Variants in WFDC6 observed in about 807,000 individuals in gnomAD.
WFDC6 encodes the protein WAP four-disulfide core domain 6, also known as WAP four-disulfide core domain protein 6.
WFDC6 carries 10 observed loss-of-function variants against 8.2 expected under a neutral mutation model. That is an observed-to-expected ratio of 1.22 (90% CI 0.75 to 2.07). The LOEUF is 2.07. Ranked by LOEUF, WFDC6 falls within the 30% of genes most tolerant of loss-of-function variation. The probability of loss-of-function intolerance (pLI) is 0.00; values close to 1 mark genes in which losing one functional copy is unlikely to be tolerated. For missense variants in WFDC6, 105 were observed against 104.9 expected (o/e 1.00, Z 0.00); for synonymous variants, 28 against 37.0 (o/e 0.76, Z 0.88).
chr20:45,534,894 C>A (rs909597714), intron 2 of WFDC6, among the ~76,000 whole-genome samples: 1 of 152,220 alleles, frequency 6.6e-6, no homozygotes, highest in Non-Finnish European at 1.5e-5. Flanking sequence ...GCTGGGTTTA[C>A]CGGGCTTCCG....
At chr20:45,537,894 C>G (rs1418372449) in intron 2 of WFDC6, 70 bp downstream of exon 2, 1 of 1,606,908 alleles carries the variant, frequency 6.2e-7, no homozygotes, top group Non-Finnish European at 8.5e-7. Context: ...AACTAGGAGA[C>G]AGAGGTAGTG....
rs11467724 is a variant in WFDC6, at chr20:45,536,251, GA to G, written c.222+1712del. Among the ~76,000 whole-genome samples the G allele has an allele frequency of 6.0e-3, 883 of 147,240 alleles. 8 individuals are homozygous for G. Among genetic ancestry groups the G allele is most frequent in the African/African-American group, 0.02 (798 of 40,140 alleles). ...AGAGGATGCTTCAGGAGTATTCACA[GA>G]AAAAAAAAAAAACCCAAAACTCAAA... On this transcript the variant is annotated intron_variant, in intron 2 of 2. Transcript: ENST00000372670.
chr20:45,535,514 A>G (rs760777490), intron 2 of WFDC6, among the ~76,000 whole-genome samples: 8 of 152,120 alleles, frequency 5.3e-5, no homozygotes, highest in Non-Finnish European at 8.8e-5. Context: ...TGACTTCCTC[A>G]TCTGTAAGAT....
intron 2 of WFDC6, chr20:45,537,478 G>C (rs1262312787): frequency 6.8e-7 from 1 of 1,472,878 alleles, no homozygotes; most frequent in African/African-American, 1.4e-5. Flanking sequence ...CAATAATATG[G>C]GCAGAGAAGA....
rs986163233 is a variant in WFDC6, at chr20:45,534,309, C to T, written c.*158G>A. The T allele has an allele frequency of 2.4e-6, 2 of 826,708 alleles. No individual in the cohort carries two copies. Among genetic ancestry groups the T allele is most frequent in the African/African-American group, 3.4e-5 (2 of 59,538 alleles). 51.2% of individuals were successfully genotyped at this position (826,708 alleles called of 1,614,324 possible). A position where few individuals can be genotyped will look rare whatever the true frequency, so the allele number is the denominator to read the frequency against. On this transcript the variant is annotated 3_prime_UTR_variant, in exon 3 of 3. Coordinates refer to ENST00000372670, the MANE Select transcript of WFDC6 (RefSeq NM_080827.2). ...ACTGAGAAGTGGTCAAGGGGAAGAGCATTGTGTTTGAAGAGATGCTACGCT... is the reference window on the plus strand; with the variant it reads ...ACTGAGAAGTGGTCAAGGGGAAGAGTATTGTGTTTGAAGAGATGCTACGCT...
In WFDC6 at chr20:45,538,109, G is replaced by A. The variant is rs1490987558; in HGVS notation, c.92-15C>T. 8 of 1,613,798 alleles carry A rather than the reference G, an allele frequency of 5.0e-6. No homozygotes were observed. The highest frequency in any genetic ancestry group is 6.8e-6 in the Non-Finnish European group (8 of 1,179,808). ...GGGACACGGCTCTAAGGGAGGGGAA[G>A]ATATATTCCCTCAAGGCCTTAAAGG... On this transcript the variant is annotated splice_polypyrimidine_tract_variant and intron_variant, in intron 1 of 2. Transcript: ENST00000372670.
At chr20:45,537,273 G>A in intron 2 of WFDC6, 1 of 528,186 alleles carries the variant, frequency 1.9e-6, no homozygotes. Context: ...GGCCTGAAAG[G>A]CTATTTCTTC....
At chr20:45,537,332 C>G (rs2145543222) in intron 2 of WFDC6, 1 of 609,584 alleles carries the variant, frequency 1.6e-6, no homozygotes, top group East Asian at 2.8e-5. Flanking sequence ...TCATGGATCT[C>G]TTTCCCAGAA....
intron 2 of WFDC6, among the ~76,000 whole-genome samples, chr20:45,535,938 G>A (rs895381941): frequency 2.4e-4 from 36 of 152,202 alleles, no homozygotes; most frequent in African/African-American, 5.5e-4. Flanking sequence ...TACACACCCC[G>A]TGCCTTTGCA....
In WFDC6 at chr20:45,538,085, G is replaced by A; in HGVS notation, c.101C>T (p.Pro34Leu). 2 of 1,613,786 alleles carry A rather than the reference G, an allele frequency of 1.2e-6. No individual in the cohort carries two copies. Among genetic ancestry groups the A allele is most frequent in the Non-Finnish European group, 1.7e-6 (2 of 1,179,862 alleles). The change falls in exon 2 of 3, where the codon CCC becomes CTC. Residue 34 changes from proline (P) to leucine (L), a missense_variant. Coordinates refer to ENST00000372670, the MANE Select transcript of WFDC6 (RefSeq NM_080827.2). Reference sequence around the variant, plus strand: ...CACTTCGCATTCCACTTTGATTTTGGGACACGGCTCTAAGGGAGGGGAAGA... The same window carrying A: ...CACTTCGCATTCCACTTTGATTTTGAGACACGGCTCTAAGGGAGGGGAAGA... ...HAEGILGKPCPKIKVECEVEE... is the reference protein window; with the variant it reads ...HAEGILGKPCLKIKVECEVEE...
intron 2 of WFDC6, among the ~76,000 whole-genome samples, chr20:45,536,567 T>A: frequency 6.6e-6 from 1 of 152,190 alleles, no homozygotes; most frequent in East Asian, 1.9e-4. Context: ...ACACAGATGG[T>A]AAGGGATTTG....
chr20:45,534,329 T>C lies in WFDC6; in HGVS notation c.*138A>G. The stretch of plus-strand genomic sequence containing the variant: ...AAGAGCATTGTGTTTGAAGAGATGC[T>C]ACGCTGGAAGAAAGTGTGTAAGCAA... On this transcript the variant is annotated 3_prime_UTR_variant, in exon 3 of 3. Coordinates refer to ENST00000372670, the MANE Select transcript of WFDC6 (RefSeq NM_080827.2). 1 of 979,874 alleles carries C rather than the reference T, an allele frequency of 1.0e-6. No homozygotes were observed. The highest frequency in any genetic ancestry group is 1.3e-5 in the South Asian group (1 of 75,526). The allele number at this position is 979,874 out of a possible 1,614,324, so 60.7% of individuals were successfully genotyped here.
intron 2 of WFDC6, chr20:45,535,328 A>G: frequency 7.7e-7 from 1 of 1,302,416 alleles, no homozygotes; most frequent in Non-Finnish European, 1.0e-6. Flanking sequence ...TACTGCATAT[A>G]TCTGCAGGGA....
intron 2 of WFDC6, chr20:45,537,245 T>C (rs1455750147): frequency 4.4e-6 from 2 of 451,418 alleles, no homozygotes; most frequent in African/African-American, 2.0e-5. Flanking sequence ...CACAGAGCCT[T>C]TGCACATCCT....
chr20:45,535,256 GT>G, intron 2 of WFDC6: 3 of 1,304,126 alleles, frequency 2.3e-6, no homozygotes, highest in Admixed American at 4.6e-5. Context: ...GCAGATCTTA[GT>G]TTTTTTTATT....
intron 2 of WFDC6, 107 bp from the exon 3 acceptor site, chr20:45,534,612 G>C: frequency 7.4e-7 from 1 of 1,346,022 alleles, no homozygotes; most frequent in Non-Finnish European, 1.0e-6. Context: ...TTACATCTTT[G>C]GGCAGGAATG....
chr20:45,537,660 C>T (rs142850198), intron 2 of WFDC6: 11 of 1,250,450 alleles, frequency 8.8e-6, no homozygotes, highest in East Asian at 7.6e-5. Flanking sequence ...CTTGGCATCT[C>T]GAGAATCACT....
Position 45,538,067 on chromosome 20 carries a change from C to T in WFDC6, c.119G>A (p.Cys40Tyr). Residue 40 changes from cysteine to tyrosine, a missense_variant, in exon 2 of 3, where the codon TGC (cysteine) becomes TAC (tyrosine). Coordinates refer to ENST00000372670, the MANE Select transcript of WFDC6 (RefSeq NM_080827.2). The stretch of plus-strand genomic sequence containing the variant: ...ACACTGGTCTATTTCTTCCACTTCG[C>T]ATTCCACTTTGATTTTGGGACACGG... ...GKPCPKIKVECEVEEIDQCTK... is the reference protein window; with the variant it reads ...GKPCPKIKVEYEVEEIDQCTK... The T allele has an allele frequency of 1.2e-6, 2 of 1,614,016 alleles. No homozygotes were observed. The highest frequency in any genetic ancestry group is 8.5e-7 in the Non-Finnish European group (1 of 1,179,924).
At chr20:45,539,151 C>T (rs1014474515) in intron 1 of WFDC6, among the ~76,000 whole-genome samples, 166 bp downstream of exon 1, 1 of 152,124 alleles carries the variant, frequency 6.6e-6, no homozygotes, top group Non-Finnish European at 1.5e-5. Context: ...CTGTATTCAC[C>T]AAGGGAGTCT....
Sources: gnomAD v4.1 joint callset for allele counts (sites outside exome capture counted in the v4.1 genomes callset) on GRCh38, gnomAD v4.1.1 for gene constraint, MANE v1.5 for transcripts, NCBI Gene and HGNC (gene_info 2026-07-23, HGNC 2026-07-21) for gene names.